The following HDGFL2 variants were observed in gnomAD, a reference collection of about 807,000 sequenced individuals.
HDGFL2 encodes the protein HDGF like 2.
Under a neutral mutation model 77.1 loss-of-function variants are expected in HDGFL2, and 36 were observed. That is an observed-to-expected ratio of 0.47 (90% CI 0.36 to 0.62). The LOEUF is 0.62. Ranked by LOEUF, HDGFL2 falls within the 20% of genes least tolerant of loss-of-function variation. HDGFL2 has a pLI of 0.00. For missense variants in HDGFL2, 976 were observed against 973.4 expected (o/e 1.00, Z -0.04); for synonymous variants, 463 against 413.1 (o/e 1.12, Z -1.46).
intron 14 of HDGFL2, among the ~76,000 whole-genome samples, chr19:4,500,280 TTTTTTTC>T (rs1315542430): frequency 2.0e-5 from 3 of 152,046 alleles, no homozygotes; most frequent in Non-Finnish European, 4.4e-5. Context: ...GCTAGTGTCT[TTTTTTTC>T]TTTTTTCTTT....
At chr19:4,485,695 T>A (rs577587464) in intron 3 of HDGFL2, among the ~76,000 whole-genome samples, 1 of 150,448 alleles carries the variant, frequency 6.6e-6, no homozygotes, top group Non-Finnish European at 1.5e-5. Context: ...TGAACCGAGA[T>A]GGCACCACTG....
At chr19:4,488,613 T>G in intron 3 of HDGFL2, 63 bp from the exon 4 acceptor site, 2 of 1,445,266 alleles carry the variant, frequency 1.4e-6, no homozygotes, top group Non-Finnish European at 1.9e-6. Context: ...TGGGTCATAG[T>G]CCTGATGGGG....
At position 4,494,228 on chromosome 19, in the gene HDGFL2, A is replaced by T. The variant is rs1230523834; in HGVS notation, c.977A>T (p.Glu326Val). ...WKRRDEARRRELEARRRREQE... is the reference protein window; with the variant it reads ...WKRRDEARRRVLEARRRREQE... ...CGGCGGGACGAGGCGCGGAGGCGCG[A>T]GCTGGAGGCCCGGCGGCGGCGAGAG... The change falls in exon 9 of 16, where the codon GAG (glutamate) becomes GTG (valine). Residue 326 changes from glutamate (E) to valine (V), a missense_variant. Glu to Val is a moderately radical substitution (Grantham distance 121). Coordinates refer to ENST00000616600, the MANE Select transcript of HDGFL2 (RefSeq NM_001001520.3). 2 of 1,463,620 alleles carry T rather than the reference A, an allele frequency of 1.4e-6. No homozygotes were observed. Among genetic ancestry groups the T allele is most frequent in the East Asian group, 5.3e-5 (2 of 37,500 alleles). The allele number at this position is 1,463,620 out of a possible 1,614,324, so 90.7% of individuals were successfully genotyped here. A position where few individuals can be genotyped will look rare whatever the true frequency, so the allele number is the denominator to read the frequency against.
In HDGFL2 at chr19:4,478,207, T is replaced by TTG. The variant is rs577340755; in HGVS notation, c.288+2625_288+2626insGT. ...GTCCCGGATGCTGCTGTTTTTTTTT[T>TTG]TTTGTTTTTTGTTTTGATGGAGTCT... On this transcript the variant is annotated intron_variant, in intron 3 of 15. Coordinates refer to ENST00000616600, the MANE Select transcript of HDGFL2 (RefSeq NM_001001520.3). 8.3e-4 allele frequency among the ~76,000 whole-genome samples: 125 copies of TTG among 151,134 alleles called. 1 individual carries two copies. The highest frequency in any genetic ancestry group is 1.5e-3 in the Admixed American group (23 of 15,130).
chr19:4,485,948 G>C (rs529676190), intron 3 of HDGFL2, among the ~76,000 whole-genome samples: 1 of 148,626 alleles, frequency 6.7e-6, no homozygotes, highest in South Asian at 2.2e-4. Context: ...AGCTGCTCAG[G>C]AGGCTGAGGT....
At chr19:4,500,368 C>G (rs1219434967) in intron 14 of HDGFL2, among the ~76,000 whole-genome samples, 1 of 151,498 alleles carries the variant, frequency 6.6e-6, no homozygotes, top group Non-Finnish European at 1.5e-5. Flanking sequence ...CTCACTGCAA[C>G]CTTGACTTCC....
intron 4 of HDGFL2, among the ~76,000 whole-genome samples, chr19:4,489,156 G>A (rs10439149): frequency 0.079 from 11,968 of 151,658 alleles, 528 homozygotes; most frequent in African/African-American, 0.13. Flanking sequence ...GATTCACCAG[G>A]TCCCCAAGTT....
chr19:4,488,958 T>C (rs1391405578), intron 4 of HDGFL2, 82 bp downstream of exon 4: 28 of 1,007,848 alleles, frequency 2.8e-5, no homozygotes, highest in Admixed American at 1.1e-4. Flanking sequence ...TGCCCTTTTT[T>C]TTTTTTTTTT....
intron 3 of HDGFL2, among the ~76,000 whole-genome samples, chr19:4,485,419 T>G (rs915852295): frequency 1.6e-4 from 25 of 152,148 alleles, no homozygotes; most frequent in African/African-American, 4.8e-4. Flanking sequence ...ACATTTGGGT[T>G]TTTTTCAGAG....
At chr19:4,495,963 C>T (rs150213423) in intron 9 of HDGFL2, among the ~76,000 whole-genome samples, 19 of 152,288 alleles carry the variant, frequency 1.2e-4, no homozygotes, top group Middle Eastern at 3.4e-3. Flanking sequence ...GGGGAAAGCA[C>T]GAACAGCGCC....
chr19:4,495,385 C>CAAAAAAAA (rs747305046), intron 9 of HDGFL2, among the ~76,000 whole-genome samples: 3 of 54,246 alleles, frequency 5.5e-5, no homozygotes, highest in Admixed American at 2.5e-4. Context: ...GACTCCATCT[C>CAAAAAAAA]AAAAAAAAAA....
rs1339514242 is a variant in HDGFL2, at chr19:4,502,103, A to C, written c.*93A>C. 2.2e-6 allele frequency: 2 copies of C among 892,760 alleles called. No homozygotes were observed. The highest frequency in any genetic ancestry group is 3.6e-6 in the Non-Finnish European group (2 of 560,834). 55.3% of individuals were successfully genotyped at this position (892,760 alleles called of 1,614,324 possible). ...AGAGCAGAGCAGAGAACTGTGGGGA[A>C]CGCTGTGCTGTTTGTATTTGTTCCC... On this transcript the variant is annotated 3_prime_UTR_variant, in exon 16 of 16. Transcript: ENST00000616600.
chr19:4,477,073 C>T (rs1975091993), intron 3 of HDGFL2, among the ~76,000 whole-genome samples: 1 of 152,140 alleles, frequency 6.6e-6, no homozygotes, highest in African/African-American at 2.4e-5. Flanking sequence ...GTGGAGGATG[C>T]AGTCTCTTTG....
intron 3 of HDGFL2, among the ~76,000 whole-genome samples, chr19:4,482,026 C>CTTTTTTTTTTTTTT (rs34398630): frequency 4.2e-5 from 3 of 71,658 alleles, no homozygotes; most frequent in South Asian, 6.2e-4. Flanking sequence ...TGGCTTTGGC[C>CTTTTTTTTTTTTTT]TTTTTTTTTT....
At chr19:4,486,199 G>A (rs1439731083) in intron 3 of HDGFL2, among the ~76,000 whole-genome samples, 2 of 152,086 alleles carry the variant, frequency 1.3e-5, no homozygotes, top group African/African-American at 4.8e-5. Context: ...GCTGCTTGGT[G>A]CCTGTGCTGG....
intron 10 of HDGFL2, 177 bp from the exon 11 acceptor site, chr19:4,497,781 G>C: frequency 1.7e-6 from 1 of 593,594 alleles, no homozygotes; most frequent in African/African-American, 1.9e-5. Flanking sequence ...GGCTGCCCTG[G>C]TCTGCCCTAG....
chr19:4,501,603 G>T lies in HDGFL2; in HGVS notation c.1916+286G>T, dbSNP rs1039324879. 22 of 477,590 alleles carry T rather than the reference G, an allele frequency of 4.6e-5. No individual in the cohort carries two copies. In the East Asian group the frequency reaches 5.0e-4, roughly 11 times the overall value. The allele number at this position is 477,590 out of a possible 1,614,324, so 29.6% of individuals were successfully genotyped here. ...AGGGTGGCCCAGGTAGGTAGGCCCC[G>T]AGCACGGGCACCCGGCTATCTGACG... On this transcript the variant is annotated intron_variant, in intron 15 of 15. Transcript: ENST00000616600.
intron 3 of HDGFL2, among the ~76,000 whole-genome samples, chr19:4,482,938 A>G (rs529324970): frequency 6.6e-6 from 1 of 152,112 alleles, no homozygotes. Flanking sequence ...GGGAGCGACC[A>G]GGAAGGAGCC....
chr19:4,493,113 T>TGG (rs1349317321), intron 6 of HDGFL2, among the ~76,000 whole-genome samples: 5 of 127,982 alleles, frequency 3.9e-5, no homozygotes, highest in South Asian at 2.5e-4. Flanking sequence ...GGTGTGTGTG[T>TGG]TGTCTGTGTG....
Sources: gnomAD v4.1 joint callset for allele counts (sites outside exome capture counted in the v4.1 genomes callset) on GRCh38, gnomAD v4.1.1 for gene constraint, MANE v1.5 for transcripts, NCBI Gene and HGNC (gene_info 2026-07-23, HGNC 2026-07-21) for gene names.